The following MAPRE2 variants were observed in gnomAD, a reference collection of about 807,000 sequenced individuals.
MAPRE2 encodes the protein microtubule-associated protein RP/EB family member 2.
Under a neutral mutation model 43.2 loss-of-function variants are expected in MAPRE2, and 13 were observed. That is an observed-to-expected ratio of 0.30 (90% CI 0.20 to 0.48). The LOEUF (loss-of-function observed/expected upper bound fraction) is 0.48. Among genes scored for constraint, MAPRE2 ranks in the 20% least tolerant of loss-of-function variants. The pLI, the probability that MAPRE2 is intolerant of heterozygous loss-of-function variation, is 0.99. For missense variants in MAPRE2, 161 were observed against 400.2 expected (o/e 0.40, Z 5.10); for synonymous variants, 135 against 148.8 (o/e 0.91, Z 0.68).
chr18:34,987,042 G>T (rs1239917230), intron 1 of MAPRE2, among the ~76,000 whole-genome samples: 1 of 152,038 alleles, frequency 6.6e-6, no homozygotes, highest in Non-Finnish European at 1.5e-5. Context: ...AGGAAAAAAA[G>T]CCATTAACTG....
chr18:35,069,274 A>T (rs1327646792), intron 1 of MAPRE2, among the ~76,000 whole-genome samples: 1 of 152,248 alleles, frequency 6.6e-6, no homozygotes, highest in African/African-American at 2.4e-5. Context: ...TATGAACCTT[A>T]TATGAATCCA....
chr18:34,990,683 A>G (rs959549300), intron 1 of MAPRE2, among the ~76,000 whole-genome samples: 1 of 152,180 alleles, frequency 6.6e-6, no homozygotes, highest in Non-Finnish European at 1.5e-5. Context: ...AATTTTAGAC[A>G]GTCAAAAGCA....
intron 1 of MAPRE2, among the ~76,000 whole-genome samples, chr18:34,995,474 A>C (rs1434465366): frequency 6.6e-6 from 1 of 152,194 alleles, no homozygotes; most frequent in African/African-American, 2.4e-5. Context: ...CAGAGGAAAA[A>C]ATAACAAATT....
At chr18:35,099,052 A>T (rs761244012) in intron 3 of MAPRE2, among the ~76,000 whole-genome samples, 35 of 152,218 alleles carry the variant, frequency 2.3e-4, no homozygotes, top group Non-Finnish European at 4.4e-4. Flanking sequence ...TAGGATTTTG[A>T]ACTTTTGCCC....
Position 35,109,939 on chromosome 18 carries a change from T to C in MAPRE2, c.610+7780T>C, listed in dbSNP as rs1364020872. Among the ~76,000 whole-genome samples the C allele has an allele frequency of 2.6e-5, 4 of 152,162 alleles. No homozygotes were observed. In the South Asian group the frequency reaches 6.2e-4, roughly 24 times the overall value. On this transcript the variant is annotated intron_variant, in intron 4 of 6. Transcript: ENST00000300249. ...CCTGCCATCTTCTGGATTTTTAAAG[T>C]ATTTTTTAGAATTCTATTTTAATTT...
At position 35,006,012 on chromosome 18, in the gene MAPRE2, T is replaced by A. The variant is rs182213843; in HGVS notation, c.-8+459T>A. Among the ~76,000 whole-genome samples, 464 of 152,332 alleles carry A rather than the reference T, an allele frequency of 3.0e-3. 3 individuals are homozygous for A. The highest frequency in any genetic ancestry group is 4.2e-3 in the Non-Finnish European group (284 of 68,028). On this transcript the variant is annotated intron_variant, in intron 2 of 7. Coordinates refer to the MAPRE2 transcript ENST00000413393. ...ATGTCTGTGACAGAGATGACGAACC[T>A]GGAAAGCCTCATTTTTTTCTGTCTG...
upstream of MAPRE2, among the ~76,000 whole-genome samples, chr18:35,039,623 C>G (rs371569014): frequency 1.3e-5 from 2 of 152,174 alleles, no homozygotes; most frequent in Non-Finnish European, 2.9e-5. Flanking sequence ...TGAGATTATC[C>G]TTACCATCTG....
At chr18:35,128,214 G>C (rs1027477223) in intron 5 of MAPRE2, among the ~76,000 whole-genome samples, 4 of 152,214 alleles carry the variant, frequency 2.6e-5, no homozygotes, top group Non-Finnish European at 4.4e-5. Context: ...CAGCAGGTAG[G>C]ACTTGGATTT....
rs547333219 is a variant in MAPRE2 at position 35,071,349 on chromosome 18, A to G, written c.250+1027A>G. Among the ~76,000 whole-genome samples the G allele has an allele frequency of 6.6e-4, 100 of 152,272 alleles. 1 individual carries two copies. Among genetic ancestry groups the G allele is most frequent in the Non-Finnish European group, 1.3e-3 (87 of 68,014 alleles). On this transcript the variant is annotated intron_variant, in intron 2 of 6. Coordinates refer to ENST00000300249, the MANE Select transcript of MAPRE2 (RefSeq NM_014268.4). ...TGAGCTATGATTGTACCACTGCCCAACAGCCTAGGTGACACAGTGAGACCC... is the reference window on the plus strand; with the variant it reads ...TGAGCTATGATTGTACCACTGCCCAGCAGCCTAGGTGACACAGTGAGACCC...
intron 1 of MAPRE2, among the ~76,000 whole-genome samples, chr18:34,985,044 A>G (rs1254186867): frequency 1.5e-4 from 8 of 52,448 alleles, no homozygotes; most frequent in African/African-American, 6.6e-4. Flanking sequence ...TATAATATAT[A>G]AAATATATTA....
chr18:35,137,422 G>C (rs902570649), intron 6 of MAPRE2, among the ~76,000 whole-genome samples: 1 of 152,222 alleles, frequency 6.6e-6, no homozygotes, highest in East Asian at 1.9e-4. Flanking sequence ...TTTATTACAG[G>C]CTCAATGATT....
At chr18:35,048,499 TTA>T (rs1290056769) in intron 1 of MAPRE2, among the ~76,000 whole-genome samples, 2 of 150,960 alleles carry the variant, frequency 1.3e-5, no homozygotes, top group Non-Finnish European at 2.9e-5. Context: ...GAAAGTATAA[TTA>T]TATATGTGTT....
chr18:35,008,714 T>C (rs973861946), intron 2 of MAPRE2, among the ~76,000 whole-genome samples: 11 of 152,222 alleles, frequency 7.2e-5, no homozygotes, highest in African/African-American at 2.7e-4. Context: ...TTTGTGTCTA[T>C]TCATCTATTT....
chr18:35,044,029 C>T (rs1030092488), intron 1 of MAPRE2, among the ~76,000 whole-genome samples: 1 of 152,092 alleles, frequency 6.6e-6, no homozygotes, highest in African/African-American at 2.4e-5. Context: ...GAGATTTAAC[C>T]AAATAAAAGT....
intron 2 of MAPRE2, among the ~76,000 whole-genome samples, chr18:35,097,075 G>A (rs1272579532): frequency 2.0e-5 from 3 of 152,150 alleles, no homozygotes; most frequent in Non-Finnish European, 4.4e-5. Context: ...GTGGTAGCCA[G>A]GTGGAAGAAA....
intron 4 of MAPRE2, among the ~76,000 whole-genome samples, chr18:35,117,902 A>T (rs913484228): frequency 6.6e-6 from 1 of 152,156 alleles, no homozygotes; most frequent in African/African-American, 2.4e-5. Context: ...AATTTTTAAT[A>T]CTTGAGCCAT....
chr18:35,061,986 G>T (rs1392071114), intron 1 of MAPRE2, among the ~76,000 whole-genome samples: 2 of 152,152 alleles, frequency 1.3e-5, no homozygotes, highest in Admixed American at 1.3e-4. Flanking sequence ...GATGAAAAGC[G>T]GGATATTTCT....
At chr18:35,107,288 A>C (rs889972832) in intron 4 of MAPRE2, among the ~76,000 whole-genome samples, 4 of 152,208 alleles carry the variant, frequency 2.6e-5, no homozygotes, top group Non-Finnish European at 5.9e-5. Flanking sequence ...CCCTAAATGT[A>C]GATTTGAATA....
chr18:35,126,802 A>G lies in MAPRE2; in HGVS notation c.611-146A>G, dbSNP rs1603403751. The G allele has an allele frequency of 4.3e-6, 3 of 701,008 alleles. No individual in the cohort carries two copies. In the East Asian group the frequency reaches 8.2e-5, roughly 19 times the overall value. 43.4% of individuals were successfully genotyped at this position (701,008 alleles called of 1,614,324 possible). ...TAACTGTGTACACTCCTGCTGAAAT[A>G]TTTATACTCCTTCTATATGGGAAGG... On this transcript the variant is annotated intron_variant, in intron 4 of 6. Transcript: ENST00000300249.
Sources: gnomAD v4.1 joint callset for allele counts (sites outside exome capture counted in the v4.1 genomes callset) on GRCh38, gnomAD v4.1.1 for gene constraint, MANE v1.5 for transcripts, NCBI Gene and HGNC (gene_info 2026-07-23, HGNC 2026-07-21) for gene names.